The following GRK5 variants were observed in gnomAD, a reference collection of about 807,000 sequenced individuals.
The protein encoded by GRK5 is G protein-coupled receptor kinase 5.
Under a neutral mutation model 78.4 loss-of-function variants are expected in GRK5, and 40 were observed. The ratio of observed to expected loss-of-function variants is 0.51; its 90% CI spans 0.40 to 0.66. GRK5 has a LOEUF of 0.66. GRK5 is among the 30% of genes least tolerant of loss of function. The pLI is 0.00. For missense variants in GRK5, 598 were observed against 759.9 expected (o/e 0.79, Z 2.50); for synonymous variants, 289 against 296.8 (o/e 0.97, Z 0.27).
intron 3 of GRK5, among the ~76,000 whole-genome samples, chr10:119,390,416 A>C (rs1247657969): frequency 6.6e-6 from 1 of 152,186 alleles, no homozygotes; most frequent in East Asian, 1.9e-4. Context: ...GGCCAGGTGC[A>C]GTGGCTCAGC....
intron 1 of GRK5, among the ~76,000 whole-genome samples, chr10:119,299,271 C>T (rs1850134007): frequency 6.6e-6 from 1 of 152,012 alleles, no homozygotes; most frequent in Admixed American, 6.6e-5. Context: ...GGCAAAACCC[C>T]GTCTCTACTA....
At chr10:119,222,788 C>T (rs142379014) in intron 1 of GRK5, among the ~76,000 whole-genome samples, 11 of 152,348 alleles carry the variant, frequency 7.2e-5, no homozygotes, top group East Asian at 3.9e-4. Context: ...CTACGGGCTC[C>T]GTGTCCTGTC....
Position 119,379,534 on chromosome 10 carries a change from T to C in GRK5, c.149-1281T>C, listed in dbSNP as rs1031994826. On this transcript the variant is annotated intron_variant, in intron 2 of 15. Transcript: ENST00000392870. The surrounding 1 kb of genome is among the most constrained non-coding windows in gnomAD (Gnocchi z 4.1). Reference sequence around the variant, plus strand: ...GAAATCCTTTCTAGGGGGGATGGTGTCTTAGCTCCTCTACACCAGGTAGAC... The same window carrying C: ...GAAATCCTTTCTAGGGGGGATGGTGCCTTAGCTCCTCTACACCAGGTAGAC... Among the ~76,000 whole-genome samples, 9 of 152,004 alleles carry C rather than the reference T, an allele frequency of 5.9e-5. No homozygotes were observed. The highest frequency in any genetic ancestry group is 1.3e-4 in the Non-Finnish European group (9 of 67,996).
intron 1 of GRK5, among the ~76,000 whole-genome samples, chr10:119,293,453 C>T (rs1466293764): frequency 2.6e-5 from 4 of 152,238 alleles, no homozygotes; most frequent in African/African-American, 9.6e-5. Flanking sequence ...ATGGGGTATA[C>T]AGCAAGCACT....
intron 2 of GRK5, among the ~76,000 whole-genome samples, chr10:119,349,803 A>T (rs1851161515): frequency 6.6e-6 from 1 of 152,184 alleles, no homozygotes; most frequent in Non-Finnish European, 1.5e-5. Flanking sequence ...AAGGAAGAGG[A>T]GGAAGGCCTC....
In GRK5 at chr10:119,394,683, GTGTGGGTGTGTGTGGGTGTGT is replaced by G. The variant is rs1186313074; in HGVS notation, c.262-2011_262-1991del. Reference sequence around the variant, plus strand: ...TGTATCTGTGTCTGTGGGCACGTGTGTGTGGGTGTGTGTGGGTGTGTATCTGTGTGTGTGGGGGCACGTGTA... The same window carrying G: ...TGTATCTGTGTCTGTGGGCACGTGTGATCTGTGTGTGTGGGGGCACGTGTA... On this transcript the variant is annotated intron_variant, in intron 3 of 15. Coordinates refer to ENST00000392870, the MANE Select transcript of GRK5 (RefSeq NM_005308.3). Among the ~76,000 whole-genome samples the G allele has an allele frequency of 6.8e-5, 3 of 44,366 alleles. 1 individual carries two copies. The highest frequency in any genetic ancestry group is 2.1e-4 in the African/African-American group (3 of 14,366). The allele number at this position is 44,366 out of a possible 152,430, so 29.1% of individuals were successfully genotyped here. A position where few individuals can be genotyped will look rare whatever the true frequency, so the allele number is the denominator to read the frequency against.
chr10:119,236,845 T>TGGTCTCGAACTCCTGACCTCAC (rs1184286861), intron 1 of GRK5, among the ~76,000 whole-genome samples: 1 of 152,046 alleles, frequency 6.6e-6, no homozygotes, highest in Non-Finnish European at 1.5e-5. Flanking sequence ...TTATCCAGGC[T>TGGTCTCGAACTCCTGACCTCAC]GGTCTCGAAC....
chr10:119,424,313 C>T (rs1233475918), intron 5 of GRK5, among the ~76,000 whole-genome samples: 3 of 152,174 alleles, frequency 2.0e-5, no homozygotes, highest in African/African-American at 4.8e-5. Flanking sequence ...AGTGCCTGTG[C>T]TAGATTACTC....
At chr10:119,244,595 A>T (rs1849076062) in intron 1 of GRK5, among the ~76,000 whole-genome samples, 1 of 152,226 alleles carries the variant, frequency 6.6e-6, no homozygotes. Context: ...TTAGCCGGGC[A>T]TGGTGGCTTG....
intron 8 of GRK5, among the ~76,000 whole-genome samples, chr10:119,433,222 G>A (rs1852855169): frequency 6.6e-6 from 1 of 152,208 alleles, no homozygotes; most frequent in Admixed American, 6.5e-5. Context: ...ATGTGGAGAT[G>A]AGGCAGATGA....
At chr10:119,427,821 C>T (rs1348914317) in intron 6 of GRK5, among the ~76,000 whole-genome samples, 4 of 152,188 alleles carry the variant, frequency 2.6e-5, no homozygotes, top group African/African-American at 9.7e-5. Flanking sequence ...TCACCACCAT[C>T]ATCAGCATCA....
At chr10:119,362,286 G>T (rs1369012043) in intron 2 of GRK5, among the ~76,000 whole-genome samples, 1 of 152,216 alleles carries the variant, frequency 6.6e-6, no homozygotes, top group Non-Finnish European at 1.5e-5. Flanking sequence ...CCCAGGTGCT[G>T]GCATGGCCAG....
Position 119,442,067 on chromosome 10 carries a change from G to C in GRK5, c.1036G>C (p.Val346Leu). ...CGAGGGAGACCTGATCCGCGGCCGG[G>C]TGGGCACTGTTGGCTACATGGGTGA... ...IPEGDLIRGR[V>L]GTVGYMAPEV... Residue 346 changes from valine to leucine, a missense_variant, in exon 11 of 16, where the codon GTG becomes CTG. Val to Leu is a conservative substitution (Grantham distance 32, BLOSUM62 1). Transcript: ENST00000392870. 1 of 1,613,992 alleles carries C rather than the reference G, an allele frequency of 6.2e-7. No individual in the cohort carries two copies. The highest frequency in any genetic ancestry group is 8.5e-7 in the Non-Finnish European group (1 of 1,179,912).
intron 3 of GRK5, among the ~76,000 whole-genome samples, chr10:119,382,620 G>T (rs906731191): frequency 6.6e-6 from 1 of 152,020 alleles, no homozygotes. Flanking sequence ...TTTTCATTAT[G>T]TATCTCTGAA....
chr10:119,402,393 T>C (rs1852165473), intron 4 of GRK5, among the ~76,000 whole-genome samples: 1 of 152,152 alleles, frequency 6.6e-6, no homozygotes, highest in Admixed American at 6.5e-5. Flanking sequence ...CAGCTCACCT[T>C]CTACCCTCCA....
chr10:119,424,703 T>G (rs1852637208), intron 5 of GRK5, among the ~76,000 whole-genome samples: 1 of 152,216 alleles, frequency 6.6e-6, no homozygotes, highest in South Asian at 2.1e-4. Flanking sequence ...TTATTTCATG[T>G]TTGCTATTCA....
intron 1 of GRK5, among the ~76,000 whole-genome samples, chr10:119,227,278 T>C (rs1848756415): frequency 1.3e-5 from 2 of 152,084 alleles, no homozygotes. Context: ...AATTTTAGTA[T>C]ATAATAGGCT....
intron 1 of GRK5, among the ~76,000 whole-genome samples, chr10:119,213,886 A>G (rs984831763): frequency 2.0e-5 from 3 of 152,238 alleles, no homozygotes; most frequent in African/African-American, 7.2e-5. Flanking sequence ...CGGAGGTGAC[A>G]TTCGGGTGTC....
chr10:119,441,129 G>T (rs1853025430), intron 10 of GRK5, among the ~76,000 whole-genome samples: 1 of 152,228 alleles, frequency 6.6e-6, no homozygotes, highest in South Asian at 2.1e-4. Flanking sequence ...GGAGGGCCCA[G>T]GCCTGCCGCC....
Sources: gnomAD v4.1 joint callset for allele counts (sites outside exome capture counted in the v4.1 genomes callset) on GRCh38, gnomAD v4.1.1 for gene constraint, Gnocchi (gnomAD v3.1) non-coding constraint, MANE v1.5 for transcripts, NCBI Gene and HGNC (gene_info 2026-07-23, HGNC 2026-07-21) for gene names.